NYAP2: variants seen among roughly 807,000 people sequenced by gnomAD.
NYAP2 encodes the protein neuronal tyrosine-phosphorylated phosphoinositide-3-kinase adaptor 2.
A neutral mutation model predicts 50.4 loss-of-function variants in NYAP2; 23 were observed. The ratio of observed to expected loss-of-function variants is 0.46; its 90% CI spans 0.33 to 0.65. NYAP2 has a LOEUF of 0.65. NYAP2 is among the 30% of genes least tolerant of loss of function. The pLI is 0.02. For missense variants in NYAP2, 885 were observed against 861.0 expected, an observed-to-expected ratio of 1.03 and a Z score of -0.35; for synonymous variants, 394 against 365.2, an observed-to-expected ratio of 1.08 and a Z score of -0.90.
intron 4 of NYAP2, among the ~76,000 whole-genome samples, chr2:225,528,026 T>G (rs897312936): frequency 2.6e-5 from 4 of 152,166 alleles, no homozygotes; most frequent in Non-Finnish European, 4.4e-5. Flanking sequence ...CCTTCTTCCA[T>G]AATCCCTAAC....
chr2:225,521,064 G>C lies in NYAP2; in HGVS notation c.523+7392G>C, dbSNP rs957057525. Among the ~76,000 whole-genome samples, 143 of 141,758 alleles carry C rather than the reference G, an allele frequency of 1.0e-3. 1 individual carries two copies. Among genetic ancestry groups the C allele is most frequent in the Non-Finnish European group, 6.8e-4 (45 of 66,276 alleles). 93.0% of individuals were successfully genotyped at this position (141,758 alleles called of 152,430 possible). ...TGAATGGGAGTTCACTCATGATTTGGCTCTCTGTTTGTCTGTTCTTGGTGT... is the reference window on the plus strand; with the variant it reads ...TGAATGGGAGTTCACTCATGATTTGCCTCTCTGTTTGTCTGTTCTTGGTGT... On this transcript the variant is annotated intron_variant, in intron 4 of 6. Transcript: ENST00000636099.
intron 3 of NYAP2, among the ~76,000 whole-genome samples, chr2:225,463,203 G>T (rs186059287): frequency 1.9e-4 from 29 of 152,394 alleles, no homozygotes; most frequent in Admixed American, 1.6e-3. Context: ...TTTAAAGTTA[G>T]CTGTCATAAC....
intron 6 of NYAP2, among the ~76,000 whole-genome samples, chr2:225,637,220 A>G (rs1423575069): frequency 6.6e-6 from 1 of 152,122 alleles, no homozygotes; most frequent in Non-Finnish European, 1.5e-5. Flanking sequence ...TTAAACCATC[A>G]TGTTTTCATA....
intron 4 of NYAP2, among the ~76,000 whole-genome samples, chr2:225,528,417 G>C (rs754091161): frequency 7.2e-5 from 11 of 152,084 alleles, no homozygotes; most frequent in Non-Finnish European, 1.3e-4. Context: ...GCCGCAAAGT[G>C]CTTGGATTAT....
At chr2:225,494,307 G>A (rs1488469304) in intron 3 of NYAP2, among the ~76,000 whole-genome samples, 1 of 152,194 alleles carries the variant, frequency 6.6e-6, no homozygotes, top group Non-Finnish European at 1.5e-5. Flanking sequence ...CTGATTTACT[G>A]TGAATAGCCT....
At chr2:225,529,699 TTA>T (rs1691219405) in intron 4 of NYAP2, among the ~76,000 whole-genome samples, 1 of 151,864 alleles carries the variant, frequency 6.6e-6, no homozygotes, top group Non-Finnish European at 1.5e-5. Flanking sequence ...CTCAGTGTTT[TTA>T]TTTTATTTTT....
At chr2:225,426,587 A>G (rs772614733) in intron 3 of NYAP2, among the ~76,000 whole-genome samples, 1 of 152,192 alleles carries the variant, frequency 6.6e-6, no homozygotes, top group Non-Finnish European at 1.5e-5. Context: ...TAATTTGAGG[A>G]AGTGCTTACT....
chr2:225,450,142 G>C (rs1051579825), intron 3 of NYAP2, among the ~76,000 whole-genome samples: 1 of 152,156 alleles, frequency 6.6e-6, no homozygotes, highest in African/African-American at 2.4e-5. Context: ...GTTCGACATT[G>C]TCAAGAATGC....
At chr2:225,559,506 T>C (rs1403702095) in intron 4 of NYAP2, among the ~76,000 whole-genome samples, 1 of 152,100 alleles carries the variant, frequency 6.6e-6, no homozygotes, top group African/African-American at 2.4e-5. Flanking sequence ...GCTGAAGATT[T>C]TTGCCTTTAG....
At chr2:225,679,773 G>A in the NYAP2 span, among the ~76,000 whole-genome samples, 21 of 152,156 alleles carry the variant, frequency 1.4e-4, no homozygotes, top group Middle Eastern at 0.01. Flanking sequence ...GATTACAGGT[G>A]TGAGCCACTG....
chr2:225,466,872 A>G (rs997888523), intron 3 of NYAP2, among the ~76,000 whole-genome samples: 1 of 152,196 alleles, frequency 6.6e-6, no homozygotes, highest in Non-Finnish European at 1.5e-5. Context: ...AGGGGGGCAT[A>G]AGGCAGAAGG....
chr2:225,533,511 A>G (rs1691296162), intron 4 of NYAP2, among the ~76,000 whole-genome samples: 1 of 151,916 alleles, frequency 6.6e-6, no homozygotes, highest in Admixed American at 6.6e-5. Flanking sequence ...AAATGGAAAG[A>G]CCCCATCTCT....
chr2:225,480,494 C>A (rs1257869724), intron 3 of NYAP2, among the ~76,000 whole-genome samples: 1 of 152,028 alleles, frequency 6.6e-6, no homozygotes, highest in African/African-American at 2.4e-5. Context: ...GATAAGTGAA[C>A]TTCATTCAAA....
chr2:225,522,981 T>C (rs1361994499), intron 4 of NYAP2, among the ~76,000 whole-genome samples: 1 of 152,168 alleles, frequency 6.6e-6, no homozygotes, highest in Admixed American at 6.6e-5. Context: ...TCTTCCAGTG[T>C]AAAATTTTAG....
At chr2:225,408,380 T>A (rs115736709) in intron 2 of NYAP2, among the ~76,000 whole-genome samples, 328 of 152,204 alleles carry the variant, frequency 2.2e-3, no homozygotes, top group African/African-American at 7.5e-3. Context: ...TAGTTCAGAT[T>A]CATACATTTT....
At chr2:225,473,869 C>T (rs1330360946) in intron 3 of NYAP2, among the ~76,000 whole-genome samples, 2 of 152,062 alleles carry the variant, frequency 1.3e-5, no homozygotes, top group African/African-American at 4.8e-5. Flanking sequence ...GTGCTTTAGA[C>T]ATGAAGTCCT....
intron 6 of NYAP2, among the ~76,000 whole-genome samples, chr2:225,630,543 T>C (rs1021833198): frequency 6.6e-6 from 1 of 152,196 alleles, no homozygotes; most frequent in Non-Finnish European, 1.5e-5. Flanking sequence ...GGGATTTCCA[T>C]GGGCTTGTAG....
At chr2:225,676,509 A>T in the NYAP2 span, among the ~76,000 whole-genome samples, 1 of 152,136 alleles carries the variant, frequency 6.6e-6, no homozygotes. Context: ...TTACAGTTCC[A>T]CATGGCTGGG....
At chr2:225,546,106 C>A (rs1691576398) in intron 4 of NYAP2, among the ~76,000 whole-genome samples, 1 of 152,174 alleles carries the variant, frequency 6.6e-6, no homozygotes, top group South Asian at 2.1e-4. Context: ...GTGGCCACCA[C>A]CGCTGGGACT....
Sources: allele counts gnomAD v4.1 joint callset (sites outside exome capture counted in the v4.1 genomes callset), GRCh38; gene constraint gnomAD v4.1.1; transcripts MANE v1.5; gene names NCBI Gene and HGNC (gene_info 2026-07-23, HGNC 2026-07-21).